CYP2S1: variants seen among roughly 807,000 people sequenced by gnomAD.
CYP2S1 encodes the protein cytochrome P450 2S1.
Under a neutral mutation model 43.5 loss-of-function variants are expected in CYP2S1, and 32 were observed. That is an observed-to-expected ratio of 0.74 (90% CI 0.56 to 0.99). The LOEUF (loss-of-function observed/expected upper bound fraction) is 0.99. Among genes scored for constraint, CYP2S1 ranks in the 50% least tolerant of loss-of-function variants. The pLI is 0.00. For missense variants in CYP2S1, 575 were observed against 673.9 expected (o/e 0.85, Z 1.62); for synonymous variants, 283 against 302.9 (o/e 0.93, Z 0.68).
rs1159790932 is a variant in CYP2S1 at position 41,201,354 on chromosome 19, A to C, written c.958A>C (p.Lys320Gln). The C allele has an allele frequency of 6.2e-7, 1 of 1,613,994 alleles. No homozygotes were observed. The highest frequency in any genetic ancestry group is 1.3e-5 in the African/African-American group (1 of 75,024). The change falls in exon 6 of 9, where the codon AAA becomes CAA. Residue 320 changes from lysine to glutamine, a missense_variant. Lys to Gln is a moderately conservative substitution (Grantham distance 53). Around this residue, in one of 2 missense-constraint regions of CYP2S1, gnomAD observed 222 missense variants for 306.3 expected, o/e 0.72. Transcript: ENST00000310054. ...TVGYTLLLLM[K>Q]YPHVQKWVRE... ...CGGCTATACCCTCCTGCTCCTGATG[A>C]AATACCCTCATGTCCAAAGTAAGAG...
At chr19:41,205,409 TTTC>T (rs1325120413) in intron 7 of CYP2S1, among the ~76,000 whole-genome samples, 1 of 107,906 alleles carries the variant, frequency 9.3e-6, no homozygotes, top group Non-Finnish European at 1.8e-5. Context: ...TCTCTCTTTC[TTTC>T]TTTCTTTCTC....
At chr19:41,201,109 A>G (rs778405059) in intron 5 of CYP2S1, 122 bp from the exon 6 acceptor site, 3 of 1,373,572 alleles carry the variant, frequency 2.2e-6, no homozygotes, top group Non-Finnish European at 2.9e-6. Flanking sequence ...AACCTTCCCA[A>G]AAATTTATCT....
chr19:41,194,173 A>G (rs2033379106), intron 1 of CYP2S1, among the ~76,000 whole-genome samples: 1 of 152,132 alleles, frequency 6.6e-6, no homozygotes, highest in Admixed American at 6.5e-5. Flanking sequence ...TGTCTGCTCC[A>G]GAATTTCAGG....
chr19:41,201,734 A>G (rs1395695047), intron 6 of CYP2S1, among the ~76,000 whole-genome samples: 1 of 151,632 alleles, frequency 6.6e-6, no homozygotes, highest in African/African-American at 2.4e-5. Context: ...TCTAGAGGGA[A>G]GAGTGGGTGG....
intron 2 of CYP2S1, among the ~76,000 whole-genome samples, chr19:41,195,051 T>G (rs2033394737): frequency 6.6e-6 from 1 of 152,114 alleles, no homozygotes; most frequent in African/African-American, 2.4e-5. Context: ...GGGAGGCAGA[T>G]GTTGCAGTGA....
chr19:41,206,740 A>C lies in CYP2S1; in HGVS notation c.*252A>C. ...CTGGGTTAGCTTTCCACAGACATAAATATAGTCCATCTGCAATCACAAGCA... is the reference window on the plus strand; with the variant it reads ...CTGGGTTAGCTTTCCACAGACATAACTATAGTCCATCTGCAATCACAAGCA... On this transcript the variant is annotated 3_prime_UTR_variant, in exon 9 of 9. Coordinates refer to ENST00000310054, the MANE Select transcript of CYP2S1 (RefSeq NM_030622.8). The C allele has an allele frequency of 1.4e-6, 1 of 722,944 alleles. No homozygotes were observed. The allele number at this position is 722,944 out of a possible 1,614,324, so 44.8% of individuals were successfully genotyped here.
chr19:41,193,631 T>G (rs1599710756), intron 1 of CYP2S1, 190 bp downstream of exon 1: 16 of 1,114,152 alleles, frequency 1.4e-5, no homozygotes, highest in Non-Finnish European at 1.6e-5. Flanking sequence ...AGGGGAGAGG[T>G]GCCCGGGAGA....
In CYP2S1 at chr19:41,206,967, CTG is replaced by C; in HGVS notation, c.*481_*482del. On this transcript the variant is annotated 3_prime_UTR_variant, in exon 9 of 9. Transcript: ENST00000310054. ...CCTCCGGGGTCATGCCACCCAGAGACTGTCGCTGTCTATGGCCCCAACTCATG... is the reference window on the plus strand; with the variant it reads ...CCTCCGGGGTCATGCCACCCAGAGACTCGCTGTCTATGGCCCCAACTCATG... 1 of 367,662 alleles carries C rather than the reference CTG, an allele frequency of 2.7e-6. No homozygotes were observed. Among genetic ancestry groups the C allele is most frequent in the South Asian group, 2.0e-5 (1 of 49,356 alleles). The allele number at this position is 367,662 out of a possible 1,614,324, so 22.8% of individuals were successfully genotyped here.
intron 2 of CYP2S1, among the ~76,000 whole-genome samples, chr19:41,195,832 GAGCCTAGGCATTTGTGACA>G (rs1278186558): frequency 6.6e-6 from 1 of 152,048 alleles, no homozygotes; most frequent in African/African-American, 2.4e-5. Context: ...AGGATGACTT[GAGCCTAGGCATTTGTGACA>G]AGCCTGGGCA....
chr19:41,206,689 C>T lies in CYP2S1; in HGVS notation c.*201C>T, dbSNP rs747502390. 1 of 788,166 alleles carries T rather than the reference C, an allele frequency of 1.3e-6. No homozygotes were observed. The highest frequency in any genetic ancestry group is 2.3e-6 in the Non-Finnish European group (1 of 440,084). The allele number at this position is 788,166 out of a possible 1,614,324, so 48.8% of individuals were successfully genotyped here. On this transcript the variant is annotated 3_prime_UTR_variant, in exon 9 of 9. Transcript: ENST00000310054. The stretch of plus-strand genomic sequence containing the variant: ...AGATGCACAACCGCACACCCATACA[C>T]AACTACAAGGGCCACAAAGCAACTG...
chr19:41,194,537 C>T lies in CYP2S1; in HGVS notation c.178-7C>T, dbSNP rs540126374. On this transcript the variant is annotated splice_polypyrimidine_tract_variant and splice_region_variant and intron_variant, in intron 1 of 8. Transcript: ENST00000310054. ...GCACCCTCCTCTTTCTTCCTCCCTA[C>T]CCCCAGCTGAGTAAGAAGTACGGAC... 179 of 1,572,800 alleles carry T rather than the reference C, an allele frequency of 1.1e-4. 1 individual carries two copies. The Admixed American group carries it at 3.5e-3, about 31-fold the overall frequency.
intron 1 of CYP2S1, 105 bp downstream of exon 1, chr19:41,193,546 G>C: frequency 7.3e-7 from 1 of 1,363,694 alleles, no homozygotes; most frequent in East Asian, 3.0e-5. Context: ...GAGGAGGCAG[G>C]GGCAGGGGTC....
intron 7 of CYP2S1, 79 bp downstream of exon 7, chr19:41,203,716 T>C (rs1006196720): frequency 5.1e-6 from 7 of 1,377,242 alleles, no homozygotes; most frequent in African/African-American, 1.5e-5. Context: ...AGTGTCTCCC[T>C]GACTTTTTCT....
Position 41,207,013 on chromosome 19 carries a change from C to CTTTT in CYP2S1, c.*525_*526insTTTT. 3.2e-6 allele frequency: 1 copy of CTTTT among 316,392 alleles called. No individual in the cohort carries two copies. Among genetic ancestry groups the CTTTT allele is most frequent in the South Asian group, 2.6e-5 (1 of 38,810 alleles). The allele number at this position is 316,392 out of a possible 1,614,324, so 19.6% of individuals were successfully genotyped here. A position where few individuals can be genotyped will look rare whatever the true frequency, so the allele number is the denominator to read the frequency against. ...ACTCATGCTCCCTCTCTTGGCTACA[C>CTTTT]CACTCTCCCAGCCTGTGACCACCGA... On this transcript the variant is annotated 3_prime_UTR_variant, in exon 9 of 9. Transcript: ENST00000310054.
chr19:41,199,193 C>T (rs1367165773), intron 5 of CYP2S1, among the ~76,000 whole-genome samples: 1 of 152,076 alleles, frequency 6.6e-6, no homozygotes, highest in Non-Finnish European at 1.5e-5. Flanking sequence ...AGGCCCCATG[C>T]CCAGGGTCCT....
At chr19:41,203,322 G>T in intron 6 of CYP2S1, 128 bp from the exon 7 acceptor site, 1 of 995,618 alleles carries the variant, frequency 1.0e-6, no homozygotes, top group Non-Finnish European at 1.4e-6. Flanking sequence ...CTCAGTGAGG[G>T]CTGGGGGACC....
rs920104634 is a variant in CYP2S1, at chr19:41,196,282, C to T, written c.344-1497C>T. ...GGAAGTGAGAGAAGACCAGCGCAGTCGTAGTGGGTTAAGTAACAAAGCTGA... is the reference window on the plus strand; with the variant it reads ...GGAAGTGAGAGAAGACCAGCGCAGTTGTAGTGGGTTAAGTAACAAAGCTGA... On this transcript the variant is annotated intron_variant, in intron 2 of 8. Coordinates refer to ENST00000310054, the MANE Select transcript of CYP2S1 (RefSeq NM_030622.8). Among the ~76,000 whole-genome samples, 3 of 152,074 alleles carry T rather than the reference C, an allele frequency of 2.0e-5. No individual in the cohort carries two copies. The East Asian group carries it at 5.8e-4, about 29-fold the overall frequency.
intron 1 of CYP2S1, 120 bp downstream of exon 1, chr19:41,193,561 G>C: frequency 3.7e-6 from 5 of 1,359,220 alleles, no homozygotes; most frequent in Non-Finnish European, 3.8e-6. Flanking sequence ...GGGGTCCCAA[G>C]GCAAAGGGGC....
At chr19:41,205,114 C>G (rs2033545940) in intron 7 of CYP2S1, among the ~76,000 whole-genome samples, 1 of 152,188 alleles carries the variant, frequency 6.6e-6, no homozygotes, top group African/African-American at 2.4e-5. Context: ...GCTTGAGGAC[C>G]TGCTCTGCAC....
Sources: allele counts gnomAD v4.1 joint callset (sites outside exome capture counted in the v4.1 genomes callset), GRCh38; gene constraint gnomAD v4.1.1; regional missense constraint gnomAD v4.1.1; transcripts MANE v1.5; gene names NCBI Gene and HGNC (gene_info 2026-07-23, HGNC 2026-07-21).